SYTL3: variants seen among roughly 807,000 people sequenced by gnomAD.
The protein encoded by SYTL3 is synaptotagmin-like protein 3.
A neutral mutation model predicts 82.1 loss-of-function variants in SYTL3; 88 were observed. That is an observed-to-expected ratio of 1.07 (90% CI 0.90 to 1.28). The LOEUF is 1.28. SYTL3 is among the 50% of genes most tolerant of loss of function. The pLI is 0.00. For missense variants in SYTL3, 831 were observed against 757.6 expected (o/e 1.10, Z -1.14); for synonymous variants, 311 against 289.4 (o/e 1.07, Z -0.76).
chr6:158,764,546 G>A lies in SYTL3; in HGVS notation c.1775G>A (p.Trp592Ter), dbSNP rs1790541623. 1 of 1,614,006 alleles carries A rather than the reference G, an allele frequency of 6.2e-7. No homozygotes were observed. Among genetic ancestry groups the A allele is most frequent in the African/African-American group, 1.3e-5 (1 of 74,898 alleles). ...GDACSLSKLQ[W>*]QKVLSSPNLW... is the part of the protein sequence containing the mutation. ...GCATGCTCACTATCGAAGCTCCAGT[G>A]GCAGAAAGTCCTTTCCAGCCCCAAT... The change falls in exon 18 of 18, where the codon TGG (tryptophan) becomes TAG (stop). Residue 592 changes from tryptophan (W) to a stop codon, truncating the protein, a stop_gained. Coordinates refer to ENST00000611299, the MANE Select transcript of SYTL3 (RefSeq NM_001242394.2). LOFTEE classifies it high-confidence loss of function.
chr6:158,659,031 T>C (rs907134651), intron 2 of SYTL3, among the ~76,000 whole-genome samples: 2 of 152,202 alleles, frequency 1.3e-5, no homozygotes, highest in African/African-American at 4.8e-5. Context: ...GCTAACCAAG[T>C]GCTTGAGTGA....
At chr6:158,649,129 G>C (rs1451627962), upstream of SYTL3, among the ~76,000 whole-genome samples, 1 of 152,166 alleles carries the variant, frequency 6.6e-6, no homozygotes, top group African/African-American at 2.4e-5. Context: ...TGTTCCAATG[G>C]GTAAATATTC....
At chr6:158,689,072 T>A (rs1390150500) in intron 6 of SYTL3, among the ~76,000 whole-genome samples, 4 of 152,250 alleles carry the variant, frequency 2.6e-5, no homozygotes, top group African/African-American at 9.6e-5. Context: ...TTTAACCAAA[T>A]AACTATTGTT....
At chr6:158,733,915 G>A (rs574779408) in intron 11 of SYTL3, among the ~76,000 whole-genome samples, 1 of 151,312 alleles carries the variant, frequency 6.6e-6, no homozygotes, top group Admixed American at 6.6e-5. Flanking sequence ...GGCTAACACG[G>A]TGAAACCCCG....
At chr6:158,757,453 CAGAAG>C in intron 14 of SYTL3, 72 bp downstream of exon 14, 1 of 1,524,900 alleles carries the variant, frequency 6.6e-7, no homozygotes, top group South Asian at 1.2e-5. Context: ...AGAGAGATCC[CAGAAG>C]AGAAAACGTA....
intron 14 of SYTL3, among the ~76,000 whole-genome samples, chr6:158,759,397 G>C (rs1164179103): frequency 2.0e-5 from 3 of 152,204 alleles, no homozygotes; most frequent in South Asian, 4.1e-4. Context: ...GCTGGCCCAC[G>C]CGGGCTCCCA....
chr6:158,645,717 G>A (rs996612201), upstream of SYTL3, among the ~76,000 whole-genome samples: 1 of 152,030 alleles, frequency 6.6e-6, no homozygotes, highest in Admixed American at 6.6e-5. Flanking sequence ...GGTCTATCAG[G>A]GTCTTATTAG....
chr6:158,732,954 GAAAA>G (rs35643386), intron 11 of SYTL3, among the ~76,000 whole-genome samples: 1 of 134,552 alleles, frequency 7.4e-6, no homozygotes, highest in East Asian at 2.8e-4. Flanking sequence ...AGTTTAAAAA[GAAAA>G]AAAAAAAAAA....
chr6:158,663,700 TC>T, intron 4 of SYTL3: 1 of 740,288 alleles, frequency 1.4e-6, no homozygotes, highest in Non-Finnish European at 1.6e-6. Context: ...TTTTCAGGCT[TC>T]CAGTTTACCC....
intron 6 of SYTL3, among the ~76,000 whole-genome samples, chr6:158,705,685 G>T (rs1057360517): frequency 8.2e-5 from 2 of 24,280 alleles, no homozygotes; most frequent in Non-Finnish European, 1.7e-4. Context: ...CAGGGTGACA[G>T]TGAGGGCTGT....
rs748567664 is a variant in SYTL3 at position 158,683,005 on chromosome 6, T to G, written c.394+16T>G. ...CCAACTGGAGGTAAATGCTCTTTAC[T>G]TTTTTAGTAAAGTAAAATGATCTAT... On this transcript the variant is annotated intron_variant, in intron 6 of 17. Coordinates refer to ENST00000611299, the MANE Select transcript of SYTL3 (RefSeq NM_001242394.2). 6.4e-7 allele frequency: 1 copy of G among 1,572,748 alleles called. No individual in the cohort carries two copies. The highest frequency in any genetic ancestry group is 8.7e-7 in the Non-Finnish European group (1 of 1,142,942).
intron 16 of SYTL3, among the ~76,000 whole-genome samples, chr6:158,762,482 G>A (rs1790109401): frequency 6.6e-6 from 1 of 151,994 alleles, no homozygotes; most frequent in South Asian, 2.1e-4. Flanking sequence ...TCTCCTCTTG[G>A]ACCAACAGTA....
intron 6 of SYTL3, among the ~76,000 whole-genome samples, chr6:158,685,202 C>G (rs1005699970): frequency 7.1e-6 from 1 of 141,494 alleles, no homozygotes; most frequent in Non-Finnish European, 1.5e-5. Flanking sequence ...GCTTTTATGT[C>G]TCTCTCTCTC....
intron 6 of SYTL3, among the ~76,000 whole-genome samples, chr6:158,685,038 T>C (rs2128410907): frequency 1.3e-5 from 2 of 152,198 alleles, no homozygotes; most frequent in Admixed American, 1.3e-4. Flanking sequence ...AGATATCATA[T>C]ATCTATGTAC....
chr6:158,742,166 T>A (rs1787006573), intron 11 of SYTL3, among the ~76,000 whole-genome samples: 1 of 152,094 alleles, frequency 6.6e-6, no homozygotes, highest in Admixed American at 6.5e-5. Context: ...CAGCAAATAA[T>A]CCATTATTAG....
chr6:158,759,041 CCTT>C (rs1439873429), intron 14 of SYTL3, among the ~76,000 whole-genome samples: 7 of 152,230 alleles, frequency 4.6e-5, no homozygotes, highest in East Asian at 1.9e-4. Context: ...AGCCTGAACT[CCTT>C]CTGTCCGAGG....
chr6:158,706,583 C>A (rs1317886562), intron 6 of SYTL3, among the ~76,000 whole-genome samples: 1 of 152,184 alleles, frequency 6.6e-6, no homozygotes, highest in Non-Finnish European at 1.5e-5. Context: ...TCCTTCCCAG[C>A]CCCCTGCTGG....
chr6:158,699,794 A>G (rs1057441134), intron 6 of SYTL3, among the ~76,000 whole-genome samples: 4 of 151,524 alleles, frequency 2.6e-5, no homozygotes, highest in Non-Finnish European at 2.9e-5. Context: ...CTAAAAATAC[A>G]AAAATTAGCC....
At chr6:158,673,538 C>G (rs889001941) in intron 5 of SYTL3, among the ~76,000 whole-genome samples, 5 of 150,560 alleles carry the variant, frequency 3.3e-5, no homozygotes, top group African/African-American at 1.2e-4. Context: ...CTCCCAGGTT[C>G]ACGCCATTCT....
Sources: gnomAD v4.1 joint callset for allele counts (sites outside exome capture counted in the v4.1 genomes callset) on GRCh38, gnomAD v4.1.1 for gene constraint, MANE v1.5 for transcripts, NCBI Gene and HGNC (gene_info 2026-07-23, HGNC 2026-07-21) for gene names.